RBFOX1: variants seen among roughly 807,000 people sequenced by gnomAD.
The protein encoded by RBFOX1 is RNA binding protein fox-1 homolog 1.
In RBFOX1, 8 loss-of-function variants were observed where a neutral mutation model predicts 57.7. The observed-to-expected ratio is 0.14, with a 90% CI of 0.08 to 0.25. The LOEUF is 0.25. Ranked by LOEUF, RBFOX1 falls within the 10% of genes least tolerant of loss-of-function variation. The pLI is 1.00. For missense variants in RBFOX1, 611 were observed against 548.5 expected (o/e 1.11, Z -1.14); for synonymous variants, 326 against 222.4 (o/e 1.47, Z -4.15).
chr16:7,346,063 T>C (rs1390265940), intron 4 of RBFOX1, among the ~76,000 whole-genome samples: 1 of 152,086 alleles, frequency 6.6e-6, no homozygotes, highest in East Asian at 1.9e-4. Context: ...CACCTGTGAG[T>C]GAGAACATGC....
chr16:7,437,129 C>T (rs1407893531), intron 4 of RBFOX1, among the ~76,000 whole-genome samples: 2 of 152,072 alleles, frequency 1.3e-5, no homozygotes, highest in Admixed American at 6.5e-5. Flanking sequence ...CATCACAGGG[C>T]TCTCTGATTT....
rs33931128 is a variant in RBFOX1, at chr16:6,912,624, A to AT, written c.-15-139421dup. Among the ~76,000 whole-genome samples the AT allele has an allele frequency of 1.2e-3, 177 of 146,686 alleles. 1 individual carries two copies. The highest frequency in any genetic ancestry group is 3.2e-3 in the East Asian group (16 of 4,998). ...TTTCTTGTGTGTGTGTGTTATTACT[A>AT]TTTTTTTTTTTTGCAAGGTCTCACT... On this transcript the variant is annotated intron_variant, in intron 3 of 15. Transcript: ENST00000550418.
intron 2 of RBFOX1, among the ~76,000 whole-genome samples, chr16:5,486,934 C>G (rs1180098593): frequency 6.6e-6 from 1 of 152,134 alleles, no homozygotes; most frequent in Non-Finnish European, 1.5e-5. Flanking sequence ...GACCTGATTC[C>G]CTTCTTCTTC....
chr16:7,228,224 T>C (rs919691921), intron 4 of RBFOX1, among the ~76,000 whole-genome samples: 4 of 150,870 alleles, frequency 2.7e-5, no homozygotes, highest in Non-Finnish European at 5.9e-5. Context: ...CAATACATAT[T>C]TGTTGAATGA....
intron 3 of RBFOX1, among the ~76,000 whole-genome samples, chr16:6,808,738 A>G (rs770294401): frequency 6.6e-6 from 1 of 152,130 alleles, no homozygotes; most frequent in Non-Finnish European, 1.5e-5. Context: ...TCTTTTCTCC[A>G]CAGACAAATA....
chr16:7,177,661 G>A (rs1321340017), intron 4 of RBFOX1, among the ~76,000 whole-genome samples: 1 of 152,126 alleles, frequency 6.6e-6, no homozygotes, highest in Non-Finnish European at 1.5e-5. Context: ...GAACCAGGAG[G>A]TAGGGCACTT....
chr16:5,428,810 T>G (rs548278043), intron 1 of RBFOX1, among the ~76,000 whole-genome samples: 20 of 152,300 alleles, frequency 1.3e-4, no homozygotes, highest in South Asian at 1.0e-3. Flanking sequence ...ATGATTTTTT[T>G]GGGGACTGTA....
chr16:6,499,383 AAAAG>A (rs1567453122), intron 2 of RBFOX1, among the ~76,000 whole-genome samples: 1 of 152,190 alleles, frequency 6.6e-6, no homozygotes, highest in African/African-American at 2.4e-5. Context: ...GTGTAAAAAA[AAAAG>A]GTATGAAAAA....
intron 4 of RBFOX1, among the ~76,000 whole-genome samples, chr16:7,449,340 A>C (rs967334768): frequency 6.6e-6 from 1 of 151,454 alleles, no homozygotes; most frequent in African/African-American, 2.4e-5. Flanking sequence ...GACACTCTTC[A>C]ACCCACCATG....
intron 3 of RBFOX1, among the ~76,000 whole-genome samples, chr16:5,858,352 C>A (rs779048149): frequency 2.0e-5 from 3 of 152,188 alleles, no homozygotes; most frequent in Non-Finnish European, 4.4e-5. Flanking sequence ...TACCATGTGT[C>A]AGGGTGACTG....
intron 3 of RBFOX1, among the ~76,000 whole-genome samples, chr16:7,005,300 T>C (rs865829346): frequency 6.6e-6 from 1 of 152,174 alleles, no homozygotes; most frequent in African/African-American, 2.4e-5. Flanking sequence ...ATTCCAGTCA[T>C]CTTCCTCCCT....
At chr16:7,514,609 G>T (rs932553489) in intron 4 of RBFOX1, among the ~76,000 whole-genome samples, 1 of 152,074 alleles carries the variant, frequency 6.6e-6, no homozygotes, top group Non-Finnish European at 1.5e-5. Flanking sequence ...GCTGGAGGAG[G>T]GACTCTTGAT....
intron 4 of RBFOX1, among the ~76,000 whole-genome samples, chr16:7,470,065 T>C (rs2061288978): frequency 6.6e-6 from 1 of 152,110 alleles, no homozygotes; most frequent in Non-Finnish European, 1.5e-5. Context: ...CCATTGTGTG[T>C]ATATAACACA....
intron 11 of RBFOX1, among the ~76,000 whole-genome samples, chr16:7,637,994 A>G (rs1480743473): frequency 2.6e-5 from 4 of 152,200 alleles, no homozygotes; most frequent in African/African-American, 7.2e-5. Flanking sequence ...ATCCAGCACT[A>G]TTTCAATTTT....
At chr16:6,997,777 C>G (rs1018444755) in intron 3 of RBFOX1, among the ~76,000 whole-genome samples, 3 of 152,224 alleles carry the variant, frequency 2.0e-5, no homozygotes, top group South Asian at 2.1e-4. Flanking sequence ...ACAGACTACT[C>G]AATTCCCTGT....
At chr16:7,033,227 G>C (rs994591292) in intron 3 of RBFOX1, among the ~76,000 whole-genome samples, 4 of 152,116 alleles carry the variant, frequency 2.6e-5, no homozygotes, top group African/African-American at 9.7e-5. Context: ...CTCCTTAAAA[G>C]TCCAAAAACA....
intron 13 of RBFOX1, among the ~76,000 whole-genome samples, chr16:7,674,207 A>G (rs2072540277): frequency 6.6e-6 from 1 of 152,200 alleles, no homozygotes; most frequent in African/African-American, 2.4e-5. Context: ...TAGAGGAGAG[A>G]TAAAACCACC....
chr16:6,723,345 G>T (rs1008805841), intron 3 of RBFOX1, among the ~76,000 whole-genome samples: 5 of 151,994 alleles, frequency 3.3e-5, no homozygotes, highest in African/African-American at 9.7e-5. Context: ...GCATAGGCAG[G>T]TTATAACATT....
intron 4 of RBFOX1, among the ~76,000 whole-genome samples, chr16:5,964,581 G>C (rs909912937): frequency 3.3e-5 from 5 of 151,842 alleles, no homozygotes; most frequent in African/African-American, 1.2e-4. Flanking sequence ...ATCTATGTGT[G>C]TATATATGCA....
Sources: gnomAD v4.1 joint callset for allele counts (sites outside exome capture counted in the v4.1 genomes callset) on GRCh38, gnomAD v4.1.1 for gene constraint, MANE v1.5 for transcripts, NCBI Gene and HGNC (gene_info 2026-07-23, HGNC 2026-07-21) for gene names.